Variants in GUCY1A2 observed in about 807,000 individuals in gnomAD.
GUCY1A2 encodes guanylate cyclase 1 soluble subunit alpha 2, also known as guanylate cyclase soluble subunit alpha-2.
Under a neutral mutation model 63.5 loss-of-function variants are expected in GUCY1A2, and 27 were observed. The observed-to-expected ratio is 0.43, with a 90% CI of 0.31 to 0.59. The LOEUF (loss-of-function observed/expected upper bound fraction) is 0.59. Among genes scored for constraint, GUCY1A2 ranks in the 20% least tolerant of loss-of-function variants. GUCY1A2 has a pLI of 0.11. For missense variants in GUCY1A2, 768 were observed against 913.3 expected (o/e 0.84, Z 2.05); for synonymous variants, 364 against 343.5 (o/e 1.06, Z -0.66).
At chr11:106,931,123 G>A (rs1417601563) in intron 4 of GUCY1A2, among the ~76,000 whole-genome samples, 3 of 152,108 alleles carry the variant, frequency 2.0e-5, no homozygotes, top group Non-Finnish European at 4.4e-5. Context: ...ACCTTTTAAA[G>A]ACAATATCAT....
At chr11:106,893,486 C>T (rs1398184677) in intron 4 of GUCY1A2, among the ~76,000 whole-genome samples, 6 of 151,770 alleles carry the variant, frequency 4.0e-5, no homozygotes, top group Admixed American at 3.9e-4. Flanking sequence ...ACCACCTATA[C>T]TGAAATATAA....
In GUCY1A2 at chr11:106,685,877, C is replaced by T. The variant is rs925221957; in HGVS notation, c.*1672G>A. On this transcript the variant is annotated 3_prime_UTR_variant, in exon 8 of 8. Transcript: ENST00000526355. ...ATTATAAAAGGGATCAGGATTATAA[C>T]AAATATTTGCATATCTACAAATGCC... 3 of 225,900 alleles carry T rather than the reference C, an allele frequency of 1.3e-5. No individual in the cohort carries two copies. Among genetic ancestry groups the T allele is most frequent in the Non-Finnish European group, 2.6e-5 (3 of 113,568 alleles). 14.0% of individuals were successfully genotyped at this position (225,900 alleles called of 1,614,324 possible).
chr11:106,837,025 A>C (rs910173650), intron 4 of GUCY1A2, among the ~76,000 whole-genome samples: 3 of 151,860 alleles, frequency 2.0e-5, no homozygotes, highest in Non-Finnish European at 4.4e-5. Context: ...TCAGGGGTAC[A>C]TGTGTAGGTT....
In GUCY1A2 at chr11:106,940,037, A is replaced by T. The variant is rs751846239; in HGVS notation, c.629T>A (p.Ile210Asn). The change falls in exon 4 of 8, where the codon ATT becomes AAT. Residue 210 changes from isoleucine to asparagine, a missense_variant. This residue lies in a region of GUCY1A2 where 496 missense variants were observed against 486.9 expected (regional missense o/e 1.02). Transcript: ENST00000526355. ...GGCCTGTTTTCCAAAAGAAGTTCTA[A>T]TGTGTTCCAACAAAGCATCAAAGCC... Reference protein sequence around the residue: ...FNGFDALLEHIRTSFGKQATL... With the variant: ...FNGFDALLEHNRTSFGKQATL... 1 of 1,613,992 alleles carries T rather than the reference A, an allele frequency of 6.2e-7. No homozygotes were observed. The highest frequency in any genetic ancestry group is 8.5e-7 in the Non-Finnish European group (1 of 1,179,890).
At chr11:106,846,475 C>T (rs1046758046) in intron 4 of GUCY1A2, among the ~76,000 whole-genome samples, 3 of 151,548 alleles carry the variant, frequency 2.0e-5, no homozygotes, top group Non-Finnish European at 3.0e-5. Flanking sequence ...CTTTACAGGA[C>T]TTAGCACATG....
Position 107,017,873 on chromosome 11 carries a change from CG to C in GUCY1A2, c.182del (p.Pro61ArgfsTer37). 1 of 1,247,966 alleles carries C rather than the reference CG, an allele frequency of 8.0e-7. No homozygotes were observed. Among genetic ancestry groups the C allele is most frequent in the Non-Finnish European group, 1.0e-6 (1 of 994,152 alleles). The allele number at this position is 1,247,966 out of a possible 1,614,324, so 77.3% of individuals were successfully genotyped here. ...CGGCGGCGGCAGAAGCAGCCGGGGT[CG>C]GGGCCGGGGCGGCGGCAGCGGCAGC... The part of the protein sequence containing the change: ...AAAAAAAAPA[P>X]TPAASAAAAA... On this transcript the variant is annotated frameshift_variant, in exon 1 of 8. Transcript: ENST00000526355. LOFTEE classifies it high-confidence loss of function.
chr11:106,731,348 A>G (rs1057508228), intron 6 of GUCY1A2, among the ~76,000 whole-genome samples: 37 of 152,330 alleles, frequency 2.4e-4, no homozygotes, highest in Non-Finnish European at 4.7e-4. Context: ...CTTTCATGTT[A>G]AAAACCTCAA....
At chr11:106,880,072 C>T (rs1859803281) in intron 4 of GUCY1A2, among the ~76,000 whole-genome samples, 2 of 151,910 alleles carry the variant, frequency 1.3e-5, no homozygotes, top group African/African-American at 4.8e-5. Flanking sequence ...GGCCAGTGCG[C>T]TTGACAGCAA....
chr11:106,764,048 T>A (rs1408920490), intron 6 of GUCY1A2, among the ~76,000 whole-genome samples: 1 of 152,098 alleles, frequency 6.6e-6, no homozygotes, highest in African/African-American at 2.4e-5. Flanking sequence ...AAAGCTAATA[T>A]TACAGAAGTG....
intron 6 of GUCY1A2, among the ~76,000 whole-genome samples, chr11:106,756,238 T>G (rs551334682): frequency 1.3e-5 from 2 of 152,348 alleles, no homozygotes; most frequent in South Asian, 4.1e-4. Context: ...AACCTATGTG[T>G]GTCTTTGCAC....
At position 106,675,755 on chromosome 11, in the gene GUCY1A2, A is replaced by G. The variant is rs1353489026; in HGVS notation, c.*11794T>C. 1 of 191,418 alleles carries G rather than the reference A, an allele frequency of 5.2e-6. No homozygotes were observed. Among genetic ancestry groups the G allele is most frequent in the African/African-American group, 2.3e-5 (1 of 43,000 alleles). The allele number at this position is 191,418 out of a possible 1,614,324, so 11.9% of individuals were successfully genotyped here. On this transcript the variant is annotated 3_prime_UTR_variant, in exon 8 of 8. Transcript: ENST00000526355. ...TTTCTTAACAGTGAAAATCACAGGA[A>G]GAAAGTAATCAGTATTTTCATAGAT...
rs1016758395 is a variant in GUCY1A2 at position 106,677,234 on chromosome 11, A to G, written c.*10315T>C. ...AAGATAGGAAGATAATTCAATGGAA[A>G]AAAGAGGAGCTAAGCATGCTAACAA... On this transcript the variant is annotated 3_prime_UTR_variant, in exon 8 of 8. Coordinates refer to ENST00000526355, the MANE Select transcript of GUCY1A2 (RefSeq NM_000855.3). 13 of 220,456 alleles carry G rather than the reference A, an allele frequency of 5.9e-5. No individual in the cohort carries two copies. Among genetic ancestry groups the G allele is most frequent in the African/African-American group, 1.6e-4 (7 of 44,584 alleles). 13.7% of individuals were successfully genotyped at this position (220,456 alleles called of 1,614,324 possible).
At chr11:107,013,473 A>G (rs1259298126) in intron 1 of GUCY1A2, among the ~76,000 whole-genome samples, 1 of 152,222 alleles carries the variant, frequency 6.6e-6, no homozygotes, top group East Asian at 1.9e-4. Flanking sequence ...ATTCCCAACT[A>G]TTATATTATT....
At chr11:106,700,011 C>T (rs1039951747) in intron 7 of GUCY1A2, among the ~76,000 whole-genome samples, 1 of 152,022 alleles carries the variant, frequency 6.6e-6, no homozygotes, top group African/African-American at 2.4e-5. Context: ...TCTCGATCTC[C>T]TGACTTCGTG....
chr11:106,874,371 T>A (rs1284277612), intron 4 of GUCY1A2, among the ~76,000 whole-genome samples: 1 of 152,126 alleles, frequency 6.6e-6, no homozygotes, highest in East Asian at 1.9e-4. Flanking sequence ...AAATCAGCAA[T>A]CATACAGTAG....
In GUCY1A2 at chr11:106,874,951, A is replaced by G. The variant is rs530421994; in HGVS notation, c.1207-64473T>C. Among the ~76,000 whole-genome samples, 17 of 152,200 alleles carry G rather than the reference A, an allele frequency of 1.1e-4. No homozygotes were observed. The East Asian group carries it at 2.7e-3, about 24-fold the overall frequency. The stretch of plus-strand genomic sequence containing the variant: ...CAAAACTATCTCTTACTCCTTATAA[A>G]TACCCCAGGAATCCCCCAACATTTA... On this transcript the variant is annotated intron_variant, in intron 4 of 7. Coordinates refer to ENST00000526355, the MANE Select transcript of GUCY1A2 (RefSeq NM_000855.3).
At chr11:106,797,008 G>T (rs11211914) in intron 5 of GUCY1A2, among the ~76,000 whole-genome samples, 1 of 151,522 alleles carries the variant, frequency 6.6e-6, no homozygotes, top group African/African-American at 2.4e-5. Flanking sequence ...TTCTCTTCTC[G>T]CTTCATTTCA....
intron 3 of GUCY1A2, among the ~76,000 whole-genome samples, chr11:106,966,792 A>G (rs941794134): frequency 3.3e-5 from 5 of 152,202 alleles, no homozygotes; most frequent in Admixed American, 3.3e-4. Flanking sequence ...AAATTTGGCA[A>G]CTGGAATATT....
intron 3 of GUCY1A2, among the ~76,000 whole-genome samples, chr11:106,977,003 T>A (rs1476877232): frequency 6.6e-6 from 1 of 152,178 alleles, no homozygotes; most frequent in Non-Finnish European, 1.5e-5. Context: ...ACAGTCCAAC[T>A]GCCTTTAGCA....
Sources: gnomAD v4.1 joint callset for allele counts (sites outside exome capture counted in the v4.1 genomes callset) on GRCh38, gnomAD v4.1.1 for gene constraint, gnomAD v4.1.1 regional missense constraint, MANE v1.5 for transcripts, NCBI Gene and HGNC (gene_info 2026-07-23, HGNC 2026-07-21) for gene names.